SEMA3A: variants seen among roughly 807,000 people sequenced by gnomAD.
SEMA3A encodes the protein semaphorin-3A.
SEMA3A carries 29 observed loss-of-function variants against 97.9 expected under a neutral mutation model. The observed-to-expected ratio is 0.30, with a 90% CI of 0.22 to 0.40. SEMA3A has a LOEUF of 0.40. SEMA3A is among the 10% of genes least tolerant of loss of function. SEMA3A has a pLI of 1.00. For synonymous variants in SEMA3A, 321 were observed against 323.7 expected, an observed-to-expected ratio of 0.99 and a Z score of 0.09; for missense variants, 763 against 951.3, an observed-to-expected ratio of 0.80 and a Z score of 2.60.
chr7:84,488,212 G>A (rs906896855), intron 1 of SEMA3A, among the ~76,000 whole-genome samples: 4 of 151,774 alleles, frequency 2.6e-5, no homozygotes, highest in Admixed American at 6.6e-5. Context: ...GTCTTGAGAA[G>A]AATGTTTTTC....
chr7:84,126,461 CT>C (rs1165438889), intron 3 of SEMA3A, among the ~76,000 whole-genome samples: 1 of 152,152 alleles, frequency 6.6e-6, no homozygotes, highest in East Asian at 1.9e-4. Flanking sequence ...CCTCTCCAGC[CT>C]CCCAAAGTGT....
chr7:84,134,680 CTATT>C, intron 2 of SEMA3A, 110 bp downstream of exon 2: 1 of 757,808 alleles, frequency 1.3e-6, no homozygotes, highest in Non-Finnish European at 2.0e-6. Context: ...AAAAGACAAA[CTATT>C]AATTCAAAAC....
intron 3 of SEMA3A, among the ~76,000 whole-genome samples, chr7:84,269,379 C>A (rs373839047): frequency 2.3e-4 from 35 of 152,142 alleles, no homozygotes; most frequent in East Asian, 1.4e-3. Context: ...TCTTTATGAA[C>A]CCTGACAAAA....
intron 1 of SEMA3A, among the ~76,000 whole-genome samples, chr7:84,429,317 A>G (rs920568323): frequency 6.6e-6 from 1 of 151,348 alleles, no homozygotes; most frequent in Non-Finnish European, 1.5e-5. Flanking sequence ...CTAGTACGAC[A>G]TCTCCAATTT....
chr7:84,011,372 T>A, intron 7 of SEMA3A, 75 bp from the exon 8 acceptor site: 1 of 935,386 alleles, frequency 1.1e-6, no homozygotes, highest in Non-Finnish European at 1.7e-6. Flanking sequence ...TTTCTTCATA[T>A]CTTCAGACAA....
At chr7:84,076,558 T>C (rs374757405) in intron 4 of SEMA3A, among the ~76,000 whole-genome samples, 20 of 152,164 alleles carry the variant, frequency 1.3e-4, no homozygotes, top group African/African-American at 4.8e-4. Flanking sequence ...GCCTTTGGAG[T>C]TCCTGTAGTT....
chr7:83,991,988 C>T (rs1422945033), intron 12 of SEMA3A, among the ~76,000 whole-genome samples: 1 of 144,438 alleles, frequency 6.9e-6, no homozygotes, highest in Non-Finnish European at 1.5e-5. Flanking sequence ...ATTATTGCCA[C>T]AATTTCAGAT....
intron 2 of SEMA3A, among the ~76,000 whole-genome samples, chr7:84,368,251 G>A (rs922093095): frequency 2.6e-5 from 4 of 151,092 alleles, no homozygotes; most frequent in Admixed American, 1.3e-4. Flanking sequence ...AAAACAGTGA[G>A]CTTCTGAAAA....
chr7:83,966,598 A>G (rs908805876), intron 15 of SEMA3A, among the ~76,000 whole-genome samples: 1 of 152,216 alleles, frequency 6.6e-6, no homozygotes, highest in Non-Finnish European at 1.5e-5. Flanking sequence ...CATGTTAACT[A>G]TCAATCACGA....
At chr7:84,206,479 G>A (rs917342276) in intron 3 of SEMA3A, among the ~76,000 whole-genome samples, 3 of 151,790 alleles carry the variant, frequency 2.0e-5, no homozygotes, top group African/African-American at 7.3e-5. Flanking sequence ...CTGCCACCAC[G>A]CCTGGCTAAT....
At chr7:84,068,573 G>T (rs1166447105) in intron 4 of SEMA3A, among the ~76,000 whole-genome samples, 1 of 152,060 alleles carries the variant, frequency 6.6e-6, no homozygotes, top group Non-Finnish European at 1.5e-5. Flanking sequence ...AGAAGCAGCA[G>T]AACGAAGTGG....
chr7:84,055,955 A>C (rs191690243), intron 5 of SEMA3A, among the ~76,000 whole-genome samples: 1 of 152,348 alleles, frequency 6.6e-6, no homozygotes, highest in Admixed American at 6.5e-5. Flanking sequence ...GTAGAATCAT[A>C]TATCTAGAAA....
intron 1 of SEMA3A, among the ~76,000 whole-genome samples, chr7:84,141,559 A>G (rs1796291887): frequency 6.6e-6 from 1 of 152,134 alleles, no homozygotes. Flanking sequence ...GGTTTGTTAC[A>G]TAGGTAAACG....
At chr7:84,114,420 A>G (rs10277194) in intron 3 of SEMA3A, among the ~76,000 whole-genome samples, 35,378 of 151,996 alleles carry the variant, frequency 0.23, 4,275 homozygotes, top group African/African-American at 0.31. Flanking sequence ...GTAGCATATA[A>G]CATTGACTCA....
chr7:83,991,630 T>A (rs1202023245), intron 12 of SEMA3A, among the ~76,000 whole-genome samples: 1 of 152,022 alleles, frequency 6.6e-6, no homozygotes, highest in African/African-American at 2.4e-5. Flanking sequence ...ATTTATTGAT[T>A]TGCATATATT....
intron 1 of SEMA3A, among the ~76,000 whole-genome samples, chr7:84,407,830 T>C (rs1352282695): frequency 6.6e-6 from 1 of 152,196 alleles, no homozygotes; most frequent in Non-Finnish European, 1.5e-5. Context: ...CTGGGAAAAC[T>C]GGTTAGCCAT....
chr7:84,007,843 A>T (rs1042159893), intron 9 of SEMA3A, among the ~76,000 whole-genome samples: 19 of 152,288 alleles, frequency 1.2e-4, no homozygotes, highest in African/African-American at 4.1e-4. Flanking sequence ...GAAATTTTTT[A>T]AAATGTTGGT....
chr7:84,009,420 AATT>A (rs569694843), intron 9 of SEMA3A, among the ~76,000 whole-genome samples: 32 of 152,342 alleles, frequency 2.1e-4, no homozygotes, highest in African/African-American at 7.0e-4. Context: ...GATTTTAAAA[AATT>A]ATTGAGTAAA....
At chr7:84,216,295 C>T (rs997811601) in intron 3 of SEMA3A, among the ~76,000 whole-genome samples, 59 of 152,086 alleles carry the variant, frequency 3.9e-4, no homozygotes, top group East Asian at 1.9e-4. Flanking sequence ...TTAGTAGAGA[C>T]GGGGTTTTAC....
Sources: gnomAD v4.1 joint callset for allele counts (sites outside exome capture counted in the v4.1 genomes callset) on GRCh38, gnomAD v4.1.1 for gene constraint, MANE v1.5 for transcripts, NCBI Gene and HGNC (gene_info 2026-07-23, HGNC 2026-07-21) for gene names.